PTPRN2: variants seen among roughly 807,000 people sequenced by gnomAD.
The protein encoded by PTPRN2 is receptor-type tyrosine-protein phosphatase N2.
In PTPRN2, 74 loss-of-function variants were observed where a neutral mutation model predicts 118.8. That is an observed-to-expected ratio of 0.62 (90% confidence interval 0.52 to 0.76). PTPRN2 has a LOEUF of 0.76. PTPRN2 is among the 30% of genes least tolerant of loss of function. PTPRN2 has a pLI of 0.00. For missense variants in PTPRN2, 1,481 were observed against 1,394.4 expected, an observed-to-expected ratio of 1.06 and a Z score of -0.99; for synonymous variants, 641 against 608.0, an observed-to-expected ratio of 1.05 and a Z score of -0.80.
intron 3 of PTPRN2, among the ~76,000 whole-genome samples, chr7:158,266,434 G>T (rs973502510): frequency 2.6e-5 from 4 of 151,294 alleles, no homozygotes; most frequent in Non-Finnish European, 5.9e-5. Context: ...AGTGAGGCTG[G>T]GGATGGTGTC....
Position 157,845,842 on chromosome 7 carries a change from C to G in PTPRN2, c.1788+52831G>C, listed in dbSNP as rs1277135601. ...GGAGGGACGGAAGACAGAAGTGGATCCCGGCTCTCCACAAAACACAAAAAT... is the reference window on the plus strand; with the variant it reads ...GGAGGGACGGAAGACAGAAGTGGATGCCGGCTCTCCACAAAACACAAAAAT... On this transcript the variant is annotated intron_variant, in intron 12 of 22. Transcript: ENST00000389418. This position sits in a 1 kb window ranked among gnomAD's most constrained non-coding sequence, Gnocchi z 4.5. Among the ~76,000 whole-genome samples the G allele has an allele frequency of 6.6e-6, 1 of 152,084 alleles. No homozygotes were observed. Among genetic ancestry groups the G allele is most frequent in the Non-Finnish European group, 1.5e-5 (1 of 68,026 alleles).
chr7:158,080,664 G>T (rs1361191827), intron 11 of PTPRN2, among the ~76,000 whole-genome samples: 1 of 151,066 alleles, frequency 6.6e-6, no homozygotes, highest in Non-Finnish European at 1.5e-5. Context: ...GGAGAGTAAA[G>T]CTTTGTGTTT....
intron 12 of PTPRN2, 118 bp downstream of exon 12, chr7:157,898,555 G>A (rs906938581): frequency 9.3e-7 from 1 of 1,079,676 alleles, no homozygotes; most frequent in Non-Finnish European, 1.4e-6. Context: ...GGTCCTCCCA[G>A]GAAAACAGGA....
At chr7:157,873,973 C>T (rs948481606) in intron 12 of PTPRN2, among the ~76,000 whole-genome samples, 6 of 152,194 alleles carry the variant, frequency 3.9e-5, no homozygotes, top group Admixed American at 3.3e-4. Context: ...AGGTCTGCCA[C>T]AACTCCGGCA....
intron 1 of PTPRN2, among the ~76,000 whole-genome samples, chr7:158,528,319 G>C (rs1824944642): frequency 6.6e-6 from 1 of 152,166 alleles, no homozygotes; most frequent in African/African-American, 2.4e-5. Context: ...GGTTTGCCAT[G>C]GGGTATGAAC....
chr7:158,185,468 C>A (rs1015351625), intron 5 of PTPRN2, among the ~76,000 whole-genome samples: 12 of 152,306 alleles, frequency 7.9e-5, no homozygotes, highest in African/African-American at 2.6e-4. Context: ...CATTAATGAT[C>A]ATGATCGACC....
At chr7:157,727,116 C>T (rs371327705) in intron 12 of PTPRN2, among the ~76,000 whole-genome samples, 63 of 152,302 alleles carry the variant, frequency 4.1e-4, no homozygotes, top group South Asian at 1.0e-3. Flanking sequence ...GAGCCGGCAG[C>T]CCTATGTCTG....
intron 2 of PTPRN2, among the ~76,000 whole-genome samples, chr7:158,408,198 T>C (rs1210039214): frequency 1.3e-5 from 2 of 152,226 alleles, no homozygotes; most frequent in African/African-American, 2.4e-5. Flanking sequence ...CATGATCAAA[T>C]GTGCCTTTGC....
intron 3 of PTPRN2, among the ~76,000 whole-genome samples, chr7:158,259,884 TGTCCATGTGTCCATGA>T (rs1209444816): frequency 2.7e-3 from 395 of 146,284 alleles, no homozygotes; most frequent in African/African-American, 4.2e-3. Flanking sequence ...TGCGTTTGTG[TGTCCATGTGTCCATGA>T]GTACACATAT....
intron 2 of PTPRN2, among the ~76,000 whole-genome samples, chr7:158,332,760 C>T (rs1804753632): frequency 6.6e-6 from 1 of 151,484 alleles, no homozygotes. Context: ...CCACAGAGGA[C>T]ACTCACACCC....
intron 6 of PTPRN2, among the ~76,000 whole-genome samples, chr7:158,151,349 G>A (rs148121761): frequency 0.042 from 114 of 2,718 alleles, 25 homozygotes; most frequent in African/African-American, 0.25. Context: ...TGCCCACACC[G>A]CCCGCCTTTC....
chr7:157,946,738 A>C (rs1460075461), intron 11 of PTPRN2, among the ~76,000 whole-genome samples: 1 of 152,252 alleles, frequency 6.6e-6, no homozygotes, highest in Non-Finnish European at 1.5e-5. Flanking sequence ...CACATCCTGC[A>C]GTAAGGATGT....
chr7:157,707,563 G>A (rs1175026629), intron 12 of PTPRN2, among the ~76,000 whole-genome samples: 4 of 151,712 alleles, frequency 2.6e-5, no homozygotes, highest in African/African-American at 4.9e-5. Context: ...ACAGGCAGAG[G>A]CAGATTTCTT....
intron 12 of PTPRN2, among the ~76,000 whole-genome samples, chr7:157,722,677 G>A (rs1195489575): frequency 6.6e-6 from 1 of 152,138 alleles, no homozygotes; most frequent in Non-Finnish European, 1.5e-5. Context: ...AGGTGCAGCC[G>A]GGGGGGACAG....
intron 12 of PTPRN2, among the ~76,000 whole-genome samples, chr7:157,759,339 C>T (rs1477415210): frequency 5.9e-5 from 9 of 152,196 alleles, no homozygotes; most frequent in African/African-American, 1.7e-4. Flanking sequence ...CATCGGGGAG[C>T]GATGTTCCTG....
At chr7:158,470,756 C>A (rs1819794159) in intron 2 of PTPRN2, among the ~76,000 whole-genome samples, 1 of 152,138 alleles carries the variant, frequency 6.6e-6, no homozygotes, top group Non-Finnish European at 1.5e-5. Context: ...GGAGAACAGG[C>A]TCAGTACATC....
intron 16 of PTPRN2, among the ~76,000 whole-genome samples, chr7:157,602,863 G>A (rs535051498): frequency 1.3e-5 from 2 of 152,346 alleles, no homozygotes; most frequent in East Asian, 1.9e-4. Flanking sequence ...TTGGGACACC[G>A]TAGGGTGCGA....
intron 11 of PTPRN2, among the ~76,000 whole-genome samples, chr7:157,926,692 C>T (rs1227600068): frequency 6.6e-6 from 1 of 152,208 alleles, no homozygotes; most frequent in Non-Finnish European, 1.5e-5. Flanking sequence ...CACTCACAAA[C>T]ACCCACAGAC....
At chr7:158,103,677 C>T (rs957355658) in intron 10 of PTPRN2, among the ~76,000 whole-genome samples, 2 of 152,170 alleles carry the variant, frequency 1.3e-5, no homozygotes, top group Non-Finnish European at 1.5e-5. Context: ...GATGAGTGTT[C>T]CCCTTCTTAC....
Sources: gnomAD v4.1 joint callset for allele counts (sites outside exome capture counted in the v4.1 genomes callset) on GRCh38, gnomAD v4.1.1 for gene constraint, Gnocchi (gnomAD v3.1) non-coding constraint, MANE v1.5 for transcripts, NCBI Gene and HGNC (gene_info 2026-07-23, HGNC 2026-07-21) for gene names.